The following AUTS2 variants were observed in gnomAD, a reference collection of about 807,000 sequenced individuals.
The protein encoded by AUTS2 is autism susceptibility gene 2 protein.
A neutral mutation model predicts 112.4 loss-of-function variants in AUTS2; 17 were observed. That is an observed-to-expected ratio of 0.15 (90% confidence interval 0.10 to 0.23). The LOEUF (loss-of-function observed/expected upper bound fraction) is 0.23. Among genes scored for constraint, AUTS2 ranks in the 10% least tolerant of loss-of-function variants. AUTS2 has a pLI of 1.00. For missense variants in AUTS2, 1,510 were observed against 1,701.6 expected (o/e 0.89, Z 1.98); for synonymous variants, 751 against 702.7 (o/e 1.07, Z -1.09).
chr7:69,717,842 A>C (rs1445589654), intron 1 of AUTS2, among the ~76,000 whole-genome samples: 1 of 152,136 alleles, frequency 6.6e-6, no homozygotes, highest in African/African-American at 2.4e-5. Context: ...AGCTATACAG[A>C]GGGCAGTTAG....
chr7:70,662,009 C>G lies in AUTS2; in HGVS notation c.691-36560C>G, dbSNP rs577543506. Among the ~76,000 whole-genome samples the G allele has an allele frequency of 1.1e-4, 16 of 152,142 alleles. 1 individual carries two copies. The highest frequency in any genetic ancestry group is 2.4e-4 in the Non-Finnish European group (16 of 68,022). On this transcript the variant is annotated intron_variant, in intron 5 of 18. Transcript: ENST00000342771. ...CTTCCACAGTTCCACCAGGTATTGG[C>G]CTGGTGGACCAGATTGAAAGGGTGA...
At chr7:70,019,784 TGTG>T (rs1800192671) in intron 2 of AUTS2, among the ~76,000 whole-genome samples, 1 of 152,238 alleles carries the variant, frequency 6.6e-6, no homozygotes, top group Non-Finnish European at 1.5e-5. Flanking sequence ...TATCTAATAT[TGTG>T]GTCATTATCA....
chr7:69,634,163 A>G (rs900890777), intron 1 of AUTS2, among the ~76,000 whole-genome samples: 3 of 150,004 alleles, frequency 2.0e-5, no homozygotes, highest in Non-Finnish European at 4.4e-5. Flanking sequence ...TCTGTGGCCC[A>G]GGTGGGAGTG....
At chr7:69,931,620 G>C (rs1796231723) in intron 2 of AUTS2, among the ~76,000 whole-genome samples, 1 of 152,096 alleles carries the variant, frequency 6.6e-6, no homozygotes, top group South Asian at 2.1e-4. Flanking sequence ...TCACTGACTT[G>C]GTGAGGATCA....
Position 70,698,590 on chromosome 7 carries a change from A to G in AUTS2, c.712A>G (p.Lys238Glu), listed in dbSNP as rs1809268511. Residue 238 changes from lysine to glutamate, a missense_variant, in exon 6 of 19, where the codon AAA becomes GAA. Around this residue, in one of 3 missense-constraint regions of AUTS2, gnomAD observed 535 missense variants for 594.3 expected, o/e 0.90. Coordinates refer to ENST00000342771, the MANE Select transcript of AUTS2 (RefSeq NM_015570.4). ...TCAGGCATCAGATGCCAGCTCTGAA[A>G]AACTCTTCAACACTGTTATTGTAAA... ...EEKASDASSE[K>E]LFNTVIVNKD... is the part of the protein sequence containing the mutation. The G allele has an allele frequency of 6.2e-7, 1 of 1,607,454 alleles. No individual in the cohort carries two copies. Among genetic ancestry groups the G allele is most frequent in the Non-Finnish European group, 8.5e-7 (1 of 1,177,120 alleles).
intron 2 of AUTS2, among the ~76,000 whole-genome samples, chr7:70,091,941 C>G (rs891224566): frequency 6.6e-6 from 1 of 152,104 alleles, no homozygotes; most frequent in African/African-American, 2.4e-5. Flanking sequence ...AAATATTTGC[C>G]TGCTAGCTAT....
chr7:70,260,486 G>C lies in AUTS2; in HGVS notation c.660+125915G>C, dbSNP rs570614404. 4.9e-4 allele frequency among the ~76,000 whole-genome samples: 75 copies of C among 152,220 alleles called. 1 individual carries two copies. Among genetic ancestry groups the C allele is most frequent in the African/African-American group, 1.8e-3 (74 of 41,528 alleles). The stretch of plus-strand genomic sequence containing the variant: ...TGCATCTGGTGAGAGGCTTCTTGGT[G>C]GTGGGGACTTTCTGAACAGCTCCAA... On this transcript the variant is annotated intron_variant, in intron 4 of 18. Coordinates refer to ENST00000342771, the MANE Select transcript of AUTS2 (RefSeq NM_015570.4).
chr7:70,517,738 A>C (rs1199857643), intron 5 of AUTS2, among the ~76,000 whole-genome samples: 1 of 151,884 alleles, frequency 6.6e-6, no homozygotes, highest in Admixed American at 6.6e-5. Context: ...TATACATATG[A>C]ATACACACAC....
intron 4 of AUTS2, among the ~76,000 whole-genome samples, chr7:70,294,749 A>T (rs1244748696): frequency 6.6e-6 from 1 of 152,218 alleles, no homozygotes; most frequent in Admixed American, 6.5e-5. Context: ...CCTGTCTTCC[A>T]TTCTGGTTGC....
At chr7:70,537,189 A>G (rs1045376465) in intron 5 of AUTS2, among the ~76,000 whole-genome samples, 1 of 152,138 alleles carries the variant, frequency 6.6e-6, no homozygotes, top group Non-Finnish European at 1.5e-5. Context: ...CCTCCTTCCC[A>G]CCAGTACCCA....
intron 4 of AUTS2, among the ~76,000 whole-genome samples, chr7:70,340,195 C>CACACACA (rs1562892230): frequency 1.3e-5 from 2 of 150,476 alleles, no homozygotes; most frequent in Admixed American, 6.6e-5. Flanking sequence ...CACACACACA[C>CACACACA]CCCGTAATAA....
At chr7:70,167,198 C>A in intron 4 of AUTS2, among the ~76,000 whole-genome samples, 1 of 152,094 alleles carries the variant, frequency 6.6e-6, no homozygotes, top group South Asian at 2.1e-4. Flanking sequence ...TGCACTCCAG[C>A]CTGGATGACA....
intron 5 of AUTS2, among the ~76,000 whole-genome samples, chr7:70,601,120 A>G (rs1803453630): frequency 6.6e-6 from 1 of 152,196 alleles, no homozygotes; most frequent in African/African-American, 2.4e-5. Context: ...TGACTGTACC[A>G]TTTGACATTC....
chr7:69,798,021 C>CT (rs561013283), intron 1 of AUTS2, among the ~76,000 whole-genome samples: 6 of 148,490 alleles, frequency 4.0e-5, no homozygotes, highest in South Asian at 2.1e-4. Context: ...CCACTGTGAG[C>CT]TTTTTTTTTT....
intron 4 of AUTS2, among the ~76,000 whole-genome samples, chr7:70,231,030 A>T (rs936457800): frequency 9.9e-5 from 15 of 152,200 alleles, no homozygotes; most frequent in African/African-American, 3.6e-4. Flanking sequence ...CACTGTTGTC[A>T]ATGAGGTTCG....
intron 4 of AUTS2, among the ~76,000 whole-genome samples, chr7:70,146,622 G>A (rs1468659230): frequency 2.0e-5 from 3 of 151,982 alleles, no homozygotes; most frequent in Non-Finnish European, 4.4e-5. Flanking sequence ...TGATAAAAGT[G>A]CAAACATGAG....
At chr7:69,955,568 C>T (rs556607217) in intron 2 of AUTS2, among the ~76,000 whole-genome samples, 13 of 152,162 alleles carry the variant, frequency 8.5e-5, no homozygotes, top group African/African-American at 1.2e-4. Flanking sequence ...CATACTGGCA[C>T]CGCTCAGTGG....
chr7:70,189,124 G>A (rs753878209), intron 4 of AUTS2, among the ~76,000 whole-genome samples: 1 of 152,138 alleles, frequency 6.6e-6, no homozygotes, highest in African/African-American at 2.4e-5. Context: ...AGAGCTGACT[G>A]CGTAGGCTCA....
chr7:70,543,674 A>G (rs1395464812), intron 5 of AUTS2, among the ~76,000 whole-genome samples: 1 of 152,202 alleles, frequency 6.6e-6, no homozygotes, highest in African/African-American at 2.4e-5. Flanking sequence ...CTTGCCTTCA[A>G]AATGCCTTTG....
Sources: gnomAD v4.1 joint callset for allele counts (sites outside exome capture counted in the v4.1 genomes callset) on GRCh38, gnomAD v4.1.1 for gene constraint, gnomAD v4.1.1 regional missense constraint, MANE v1.5 for transcripts, NCBI Gene and HGNC (gene_info 2026-07-23, HGNC 2026-07-21) for gene names.